Variants in FSTL5 observed in about 807,000 individuals in gnomAD.
FSTL5 encodes the protein follistatin-related protein 5.
In FSTL5, 62 loss-of-function variants were observed where a neutral mutation model predicts 89.1. The observed-to-expected ratio is 0.70, with a 90% confidence interval of 0.57 to 0.86. The LOEUF (loss-of-function observed/expected upper bound fraction) is 0.86. FSTL5 is among the 40% of genes least tolerant of loss of function. The pLI, the probability that FSTL5 is intolerant of heterozygous loss-of-function variation, is 0.00. For missense variants in FSTL5, 1,057 were observed against 1,001.6 expected (o/e 1.06, Z -0.75); for synonymous variants, 383 against 346.2 (o/e 1.11, Z -1.18).
intron 11 of FSTL5, among the ~76,000 whole-genome samples, chr4:161,504,066 C>T (rs10000255): frequency 0.018 from 2,680 of 151,900 alleles, 72 homozygotes; most frequent in African/African-American, 0.06. Context: ...AGCCTGAAAG[C>T]TAAAGGATTT....
intron 7 of FSTL5, among the ~76,000 whole-genome samples, chr4:161,650,436 T>G (rs1736297034): frequency 6.6e-6 from 1 of 152,180 alleles, no homozygotes; most frequent in Admixed American, 6.5e-5. Flanking sequence ...ATTTATAGTA[T>G]ATCTGAAATT....
chr4:161,569,758 AACACACACACACACACACAC>A (rs56387876), intron 8 of FSTL5, among the ~76,000 whole-genome samples: 1 of 134,336 alleles, frequency 7.4e-6, no homozygotes, highest in African/African-American at 2.9e-5. Flanking sequence ...CCAACACACA[AACACACACACACACACACAC>A]ACACACACAC....
At chr4:161,623,060 CT>C (rs1405720994) in intron 7 of FSTL5, among the ~76,000 whole-genome samples, 3 of 152,020 alleles carry the variant, frequency 2.0e-5, no homozygotes, top group African/African-American at 7.2e-5. Context: ...AAAAATTACA[CT>C]TTTGACAGAA....
rs1402736517 is a variant in FSTL5, at chr4:161,537,259, A to G, written c.1312+907T>C. Reference sequence around the variant, plus strand: ...CAGAAAAATGGGCCTGTCAAGTTAGAGGGTCCAATAATGTCAGACTCTTGC... The same window carrying G: ...CAGAAAAATGGGCCTGTCAAGTTAGGGGGTCCAATAATGTCAGACTCTTGC... On this transcript the variant is annotated intron_variant, in intron 10 of 15. Transcript: ENST00000306100. Among the ~76,000 whole-genome samples the G allele has an allele frequency of 2.6e-5, 4 of 152,138 alleles. No individual in the cohort carries two copies. In the East Asian group the frequency reaches 7.7e-4, roughly 29 times the overall value.
intron 8 of FSTL5, among the ~76,000 whole-genome samples, chr4:161,572,736 T>C (rs757537965): frequency 2.0e-5 from 3 of 152,188 alleles, no homozygotes; most frequent in Non-Finnish European, 4.4e-5. Flanking sequence ...TCCTATGTGA[T>C]ACTGTGACCT....
chr4:161,681,875 C>T (rs191762971), intron 6 of FSTL5, among the ~76,000 whole-genome samples: 24 of 151,976 alleles, frequency 1.6e-4, no homozygotes, highest in Admixed American at 4.6e-4. Flanking sequence ...TTAATGACAG[C>T]GATACTTTCT....
rs75062222 is a variant in FSTL5 at position 161,416,890 on chromosome 4, T to C, written c.1842-30441A>G. Among the ~76,000 whole-genome samples the C allele has an allele frequency of 3.2e-3, 482 of 151,666 alleles. 12 individuals are homozygous for C. In the East Asian group the frequency reaches 0.054, roughly 17 times the overall value. On this transcript the variant is annotated intron_variant, in intron 15 of 15. Transcript: ENST00000306100. ...AGATTCTTCATGAAACCATTACCCA[T>C]TATTGATGCAATTTCTACTCTGTGT...
intron 6 of FSTL5, among the ~76,000 whole-genome samples, chr4:161,689,045 A>T (rs1469777380): frequency 6.6e-6 from 1 of 152,174 alleles, no homozygotes; most frequent in Non-Finnish European, 1.5e-5. Flanking sequence ...GGAAGCATTT[A>T]TGTCGCTATA....
chr4:162,078,005 C>G (rs6832324), intron 2 of FSTL5, among the ~76,000 whole-genome samples: 1 of 151,548 alleles, frequency 6.6e-6, no homozygotes, highest in Admixed American at 6.6e-5. Context: ...ATCACCAGCA[C>G]CCATGAAAAC....
intron 2 of FSTL5, among the ~76,000 whole-genome samples, chr4:162,060,048 C>A (rs1578994803): frequency 6.6e-6 from 1 of 152,092 alleles, no homozygotes; most frequent in Non-Finnish European, 1.5e-5. Context: ...TCCTTTCTTA[C>A]AATTGATCTC....
chr4:161,759,341 A>C, intron 6 of FSTL5, 70 bp downstream of exon 6: 1 of 1,428,942 alleles, frequency 7.0e-7, no homozygotes, highest in Non-Finnish European at 9.4e-7. Flanking sequence ...AGAGCAAGCA[A>C]ATAGACCATA....
At chr4:161,504,838 C>T (rs1364251741) in intron 11 of FSTL5, among the ~76,000 whole-genome samples, 1 of 151,918 alleles carries the variant, frequency 6.6e-6, no homozygotes, top group Non-Finnish European at 1.5e-5. Flanking sequence ...AGTTATACTA[C>T]CTATTATATA....
intron 1 of FSTL5, among the ~76,000 whole-genome samples, chr4:162,115,990 T>A (rs961180050): frequency 6.6e-6 from 1 of 152,058 alleles, no homozygotes; most frequent in Admixed American, 6.5e-5. Flanking sequence ...AGAAGAAAAG[T>A]GTCGTAGCAT....
intron 15 of FSTL5, among the ~76,000 whole-genome samples, chr4:161,396,866 A>G (rs909667373): frequency 6.6e-6 from 1 of 152,160 alleles, no homozygotes; most frequent in African/African-American, 2.4e-5. Flanking sequence ...AGTGTGGAAT[A>G]GAAATAAAGA....
At chr4:161,630,023 C>A (rs984945571) in intron 7 of FSTL5, among the ~76,000 whole-genome samples, 2 of 152,204 alleles carry the variant, frequency 1.3e-5, no homozygotes, top group African/African-American at 2.4e-5. Context: ...GACACTGCAG[C>A]CGAGGCCTCT....
intron 4 of FSTL5, among the ~76,000 whole-genome samples, chr4:161,799,933 T>C (rs1025168380): frequency 1.3e-5 from 2 of 151,668 alleles, no homozygotes; most frequent in Non-Finnish European, 1.5e-5. Context: ...ATTCAAATAT[T>C]GACATAACAT....
intron 15 of FSTL5, among the ~76,000 whole-genome samples, chr4:161,408,261 C>T (rs914169263): frequency 6.6e-6 from 1 of 152,104 alleles, no homozygotes; most frequent in Non-Finnish European, 1.5e-5. Flanking sequence ...ATCTACTGCC[C>T]GTTGCTCTCA....
At chr4:161,810,934 C>G (rs990623149) in intron 4 of FSTL5, among the ~76,000 whole-genome samples, 3 of 152,072 alleles carry the variant, frequency 2.0e-5, no homozygotes, top group Non-Finnish European at 4.4e-5. Flanking sequence ...GTTTTTAAAG[C>G]AAGGAGCACT....
chr4:161,843,982 AG>A (rs955575810), intron 4 of FSTL5, among the ~76,000 whole-genome samples: 13 of 152,206 alleles, frequency 8.5e-5, no homozygotes, highest in African/African-American at 2.9e-4. Flanking sequence ...GCACAGCAAA[AG>A]AAACTACCAT....
Sources: gnomAD v4.1 joint callset for allele counts (sites outside exome capture counted in the v4.1 genomes callset) on GRCh38, gnomAD v4.1.1 for gene constraint, MANE v1.5 for transcripts, NCBI Gene and HGNC (gene_info 2026-07-23, HGNC 2026-07-21) for gene names.